The following ZNF555 variants were observed in gnomAD, a reference collection of about 807,000 sequenced individuals.
ZNF555 encodes zinc finger protein 555.
Under a neutral mutation model 14.0 loss-of-function variants are expected in ZNF555, and 10 were observed. The observed-to-expected ratio is 0.72, with a 90% CI of 0.44 to 1.21. ZNF555 has a LOEUF of 1.21. ZNF555 is among the 50% of genes most tolerant of loss of function. ZNF555 has a pLI of 0.00. For missense variants in ZNF555, 747 were observed against 762.0 expected (o/e 0.98, Z 0.23); for synonymous variants, 277 against 262.4 (o/e 1.06, Z -0.54).
At chr19:2,843,536 T>C (rs1485920271) in intron 1 of ZNF555, among the ~76,000 whole-genome samples, 3 of 152,202 alleles carry the variant, frequency 2.0e-5, no homozygotes, top group Admixed American at 2.0e-4. Context: ...CCACCATACG[T>C]GCAGAAAAAT....
At chr19:2,849,154 C>T (rs577268725) in intron 1 of ZNF555, among the ~76,000 whole-genome samples, 14 of 152,132 alleles carry the variant, frequency 9.2e-5, no homozygotes, top group African/African-American at 1.9e-4. Context: ...AGAATTGCTG[C>T]GTGACAGTAT....
rs2087711194 is a variant in ZNF555, at chr19:2,859,263, A to G, written c.*5311A>G. On this transcript the variant is annotated 3_prime_UTR_variant, in exon 4 of 4. Coordinates refer to ENST00000334241, the MANE Select transcript of ZNF555 (RefSeq NM_152791.5). Reference sequence around the variant, plus strand: ...GGCGACTCTAGGAAGTGGAGACATCAAGAGTGGTACTGGAAGTGGCGGAAG... The same window carrying G: ...GGCGACTCTAGGAAGTGGAGACATCGAGAGTGGTACTGGAAGTGGCGGAAG... 6.6e-6 allele frequency: 1 copy of G among 152,282 alleles called. No homozygotes were observed. Among genetic ancestry groups the G allele is most frequent in the South Asian group, 2.1e-4 (1 of 4,836 alleles). The allele number at this position is 152,282 out of a possible 1,614,324, so 9.4% of individuals were successfully genotyped here. A position where few individuals can be genotyped will look rare whatever the true frequency, so the allele number is the denominator to read the frequency against.
Position 2,851,661 on chromosome 19 carries a change from A to C in ZNF555, c.314+10A>C. 1 of 1,551,574 alleles carries C rather than the reference A, an allele frequency of 6.4e-7. No individual in the cohort carries two copies. Among genetic ancestry groups the C allele is most frequent in the South Asian group, 1.2e-5 (1 of 80,416 alleles). On this transcript the variant is annotated intron_variant, in intron 3 of 3. Transcript: ENST00000334241. ...AGGGGAGAAATCTCAGGTGAGTTGC[A>C]CTCACAAGAGAACATAGTATTTCAG...
intron 2 of ZNF555, 126 bp downstream of exon 2, chr19:2,850,839 C>CA (rs2087623217): frequency 1.7e-6 from 2 of 1,158,388 alleles, no homozygotes; most frequent in African/African-American, 3.1e-5. Context: ...CAGACATAGT[C>CA]ACAGCTGTCA....
At position 2,855,860 on chromosome 19, in the gene ZNF555, G is replaced by C. The variant is rs1465099792; in HGVS notation, c.*1908G>C. On this transcript the variant is annotated 3_prime_UTR_variant, in exon 4 of 4. Transcript: ENST00000334241. ...TCCCTGTGTGTGTGTCTCTCCATGTGACAATATTTTTATACATACACACCA... is the reference window on the plus strand; with the variant it reads ...TCCCTGTGTGTGTGTCTCTCCATGTCACAATATTTTTATACATACACACCA... 6.6e-6 allele frequency: 1 copy of C among 152,002 alleles called. No homozygotes were observed. The highest frequency in any genetic ancestry group is 1.5e-5 in the Non-Finnish European group (1 of 68,030). The allele number at this position is 152,002 out of a possible 1,614,324, so 9.4% of individuals were successfully genotyped here. A position where few individuals can be genotyped will look rare whatever the true frequency, so the allele number is the denominator to read the frequency against.
chr19:2,852,230 C>T, intron 3 of ZNF555, 150 bp from the exon 4 acceptor site: 4 of 867,836 alleles, frequency 4.6e-6, no homozygotes, highest in South Asian at 3.5e-5. Context: ...AAACCATCTT[C>T]CAGGGCATTC....
chr19:2,852,580 A>G lies in ZNF555; in HGVS notation c.515A>G (p.Tyr172Cys). ...ACAGTTCACACTGGACACAAACCATATCAGTGCCAGGAATGTGGGCAGGCC... is the reference window on the plus strand; with the variant it reads ...ACAGTTCACACTGGACACAAACCATGTCAGTGCCAGGAATGTGGGCAGGCC... ...PITVHTGHKPYQCQECGQAYS... is the reference protein window; with the variant it reads ...PITVHTGHKPCQCQECGQAYS... The change falls in exon 4 of 4, where the codon TAT becomes TGT. Residue 172 changes from tyrosine to cysteine, a missense_variant. Transcript: ENST00000334241. 1 of 1,614,160 alleles carries G rather than the reference A, an allele frequency of 6.2e-7. No individual in the cohort carries two copies.
rs527953951 is a variant in ZNF555 at position 2,850,864 on chromosome 19, A to C, written c.130+151A>C. The C allele has an allele frequency of 4.8e-4, 481 of 999,914 alleles. 2 individuals carry two copies. In the African/African-American group the frequency reaches 5.0e-3, roughly 10 times the overall value. 61.9% of individuals were successfully genotyped at this position (999,914 alleles called of 1,614,324 possible). A position where few individuals can be genotyped will look rare whatever the true frequency, so the allele number is the denominator to read the frequency against. ...CACAGCTGTCATAGAGCTAGAATGT[A>C]ATGTTTTTCCATGAGAATGAGAATC... On this transcript the variant is annotated intron_variant, in intron 2 of 3. Transcript: ENST00000334241.
rs1233694057 is a variant in ZNF555 at position 2,859,623 on chromosome 19, C to G, written c.*5671C>G. On this transcript the variant is annotated 3_prime_UTR_variant, in exon 4 of 4. Coordinates refer to ENST00000334241, the MANE Select transcript of ZNF555 (RefSeq NM_152791.5). Reference sequence around the variant, plus strand: ...TGAGCCGTGTCAGGGGCTACAGCATCATCACTCTTGTCCTGTCGCAGACTC... The same window carrying G: ...TGAGCCGTGTCAGGGGCTACAGCATGATCACTCTTGTCCTGTCGCAGACTC... The G allele has an allele frequency of 1.3e-5, 2 of 152,252 alleles. No individual in the cohort carries two copies. Among genetic ancestry groups the G allele is most frequent in the Non-Finnish European group, 2.9e-5 (2 of 68,084 alleles). The allele number at this position is 152,252 out of a possible 1,614,324, so 9.4% of individuals were successfully genotyped here.
intron 1 of ZNF555, among the ~76,000 whole-genome samples, chr19:2,850,115 CT>C (rs1389461731): frequency 1.3e-5 from 2 of 152,152 alleles, no homozygotes; most frequent in Non-Finnish European, 2.9e-5. Flanking sequence ...CTATGGCTAC[CT>C]GGCCCTTATG....
intron 1 of ZNF555, among the ~76,000 whole-genome samples, chr19:2,846,232 A>C (rs1002580435): frequency 6.6e-6 from 1 of 152,222 alleles, no homozygotes; most frequent in Admixed American, 6.5e-5. Flanking sequence ...CTTTGTGGGA[A>C]GTTCAGGAAC....
Position 2,860,158 on chromosome 19 carries a change from C to T in ZNF555, c.*6206C>T, listed in dbSNP as rs951688874. On this transcript the variant is annotated 3_prime_UTR_variant, in exon 4 of 4. Transcript: ENST00000334241. ...GGATAGTCTGTTACTACCTCTGGGACTCTCATCTCTTGAGTGTGCTTGGGT... is the reference window on the plus strand; with the variant it reads ...GGATAGTCTGTTACTACCTCTGGGATTCTCATCTCTTGAGTGTGCTTGGGT... 1 of 152,226 alleles carries T rather than the reference C, an allele frequency of 6.6e-6. No individual in the cohort carries two copies. The highest frequency in any genetic ancestry group is 2.4e-5 in the African/African-American group (1 of 41,438). The allele number at this position is 152,226 out of a possible 1,614,324, so 9.4% of individuals were successfully genotyped here. A position where few individuals can be genotyped will look rare whatever the true frequency, so the allele number is the denominator to read the frequency against.
Position 2,858,474 on chromosome 19 carries a change from G to A in ZNF555, c.*4522G>A, listed in dbSNP as rs2087702557. ...CTACACTTCTTCCCAGGAATATCCT[G>A]CCTGGGAGCATCCTGATCCTGTCTT... On this transcript the variant is annotated 3_prime_UTR_variant, in exon 4 of 4. Coordinates refer to ENST00000334241, the MANE Select transcript of ZNF555 (RefSeq NM_152791.5). 6.6e-6 allele frequency: 1 copy of A among 152,162 alleles called. No individual in the cohort carries two copies. Among genetic ancestry groups the A allele is most frequent in the South Asian group, 2.1e-4 (1 of 4,832 alleles). 9.4% of individuals were successfully genotyped at this position (152,162 alleles called of 1,614,324 possible).
chr19:2,847,091 C>T (rs1191576561), intron 1 of ZNF555: 3 of 152,120 alleles, frequency 2.0e-5, no homozygotes, highest in Non-Finnish European at 4.4e-5. Context: ...GTGTCTGTCA[C>T]TTAAAAAAAC....
At chr19:2,851,001 T>TG (rs2087624838) in intron 2 of ZNF555, among the ~76,000 whole-genome samples, 1 of 52,934 alleles carries the variant, frequency 1.9e-5, no homozygotes, top group African/African-American at 6.1e-5. Flanking sequence ...AAAATTTGAT[T>TG]TTTTTTTTTT....
In ZNF555 at chr19:2,851,535, C is replaced by G. The variant is rs760217524; in HGVS notation, c.198C>G (p.Pro66=). 6.2e-7 allele frequency: 1 copy of G among 1,610,780 alleles called. No homozygotes were observed. The change falls in exon 3 of 4, where the codon CCC becomes CCG. Residue 66 remains proline (P), a synonymous_variant. Coordinates refer to ENST00000334241, the MANE Select transcript of ZNF555 (RefSeq NM_152791.5). ...AGGATATTTATGGAGAGAAAATACC[C>G]AAGGAATCTAAAATAGCCACGTTCA... ...SQQDIYGEKI[P]KESKIATFTR...
At chr19:2,850,442 CAGGA>C (rs1384884599) in intron 1 of ZNF555, 141 bp from the exon 2 acceptor site, 3 of 1,127,566 alleles carry the variant, frequency 2.7e-6, no homozygotes, top group Admixed American at 4.8e-5. Context: ...TGAGTGTAGA[CAGGA>C]AGGAAGAGGT....
At chr19:2,850,408 G>C (rs976198161) in intron 1 of ZNF555, among the ~76,000 whole-genome samples, 179 bp from the exon 2 acceptor site, 6 of 152,212 alleles carry the variant, frequency 3.9e-5, no homozygotes, top group African/African-American at 1.2e-4. Context: ...GTGTGTTAAT[G>C]GTCCTGTGAA....
chr19:2,857,734 T>C lies in ZNF555; in HGVS notation c.*3782T>C, dbSNP rs576343677. ...GGCTCATGCCTATAATCCCAGCACT[T>C]TGGGAAGCTGAGGCGGGAGGATTGC... On this transcript the variant is annotated 3_prime_UTR_variant, in exon 4 of 4. Coordinates refer to ENST00000334241, the MANE Select transcript of ZNF555 (RefSeq NM_152791.5). 2 of 152,338 alleles carry C rather than the reference T, an allele frequency of 1.3e-5. No homozygotes were observed. Among genetic ancestry groups the C allele is most frequent in the African/African-American group, 4.8e-5 (2 of 41,548 alleles). 9.4% of individuals were successfully genotyped at this position (152,338 alleles called of 1,614,324 possible).
Sources: allele counts gnomAD v4.1 joint callset (sites outside exome capture counted in the v4.1 genomes callset), GRCh38; gene constraint gnomAD v4.1.1; transcripts MANE v1.5; gene names NCBI Gene and HGNC (gene_info 2026-07-23, HGNC 2026-07-21).